Variants in PTGDR observed in about 807,000 individuals in gnomAD.
The protein encoded by PTGDR is PGD2 receptor.
In PTGDR, 19 loss-of-function variants were observed where a neutral mutation model predicts 17.4. That is an observed-to-expected ratio of 1.09 (90% CI 0.76 to 1.60). The LOEUF (loss-of-function observed/expected upper bound fraction) is 1.60. Ranked by LOEUF, PTGDR falls within the 40% of genes most tolerant of loss-of-function variation. The pLI, the probability that PTGDR is intolerant of heterozygous loss-of-function variation, is 0.00. For missense variants in PTGDR, 526 were observed against 481.9 expected, an observed-to-expected ratio of 1.09 and a Z score of -0.86; for synonymous variants, 267 against 224.2, an observed-to-expected ratio of 1.19 and a Z score of -1.71.
downstream of PTGDR, among the ~76,000 whole-genome samples, chr14:52,279,009 A>C (rs2033461133): frequency 6.6e-6 from 1 of 152,160 alleles, no homozygotes; most frequent in Non-Finnish European, 1.5e-5. Context: ...TATACATTGA[A>C]TCTTTCTTTC....
chr14:52,275,171 T>C lies in PTGDR; in HGVS notation c.*207T>C, dbSNP rs2033400878. On this transcript the variant is annotated 3_prime_UTR_variant, in exon 2 of 2. Transcript: ENST00000306051. Reference sequence around the variant, plus strand: ...CATGAACCCCTTCAGTGCATTTTCATTTTTTTATTAACAGCAACTAAAATT... The same window carrying C: ...CATGAACCCCTTCAGTGCATTTTCACTTTTTTATTAACAGCAACTAAAATT... The C allele has an allele frequency of 2.0e-6, 1 of 494,432 alleles. No homozygotes were observed. The highest frequency in any genetic ancestry group is 3.4e-5 in the East Asian group (1 of 29,298). 30.6% of individuals were successfully genotyped at this position (494,432 alleles called of 1,614,324 possible). A position where few individuals can be genotyped will look rare whatever the true frequency, so the allele number is the denominator to read the frequency against.
downstream of PTGDR, among the ~76,000 whole-genome samples, chr14:52,276,980 C>G (rs1410034616): frequency 2.0e-5 from 3 of 152,142 alleles, no homozygotes; most frequent in Non-Finnish European, 4.4e-5. Flanking sequence ...TTGTTTCATA[C>G]AAAATGTAGA....
At chr14:52,268,702 C>G in intron 1 of PTGDR, 42 bp downstream of exon 1, 1 of 1,517,158 alleles carries the variant, frequency 6.6e-7, no homozygotes, top group Admixed American at 2.1e-5. Flanking sequence ...CTGAGACTGT[C>G]CGGCCGCGGA....
At position 52,268,486 on chromosome 14, in the gene PTGDR, C is replaced by T. The variant is rs1326654578; in HGVS notation, c.672C>T (p.Asn224=). 2 of 1,610,744 alleles carry T rather than the reference C, an allele frequency of 1.2e-6. No individual in the cohort carries two copies. Residue 224 remains asparagine (N), a synonymous_variant, in exon 1 of 2, where the codon AAC becomes AAT. Coordinates refer to ENST00000306051, the MANE Select transcript of PTGDR (RefSeq NM_000953.3). The part of the protein sequence containing the change: ...TVLCNLGAMR[N]LYAMHRRLQR... ...TGTGCAACCTCGGCGCCATGCGCAA[C>T]CTCTATGCGATGCACCGGCGGCTGC...
Position 52,268,587 on chromosome 14 carries a change from TGGAGGA to T in PTGDR, c.775_780del (p.Glu259_Glu260del). 6.8e-6 allele frequency: 11 copies of T among 1,611,558 alleles called. No individual in the cohort carries two copies. The highest frequency in any genetic ancestry group is 8.5e-6 in the Non-Finnish European group (10 of 1,179,070). ...GGGAGGGAAGCGTCCCCTCAGCCCC[TGGAGGA>T]GCTGGATCACCTCCTGCTGCTGGCG... On this transcript the variant is annotated inframe_deletion, in exon 1 of 2. Transcript: ENST00000306051.
chr14:52,275,172 T>A lies in PTGDR; in HGVS notation c.*208T>A. 2.0e-6 allele frequency: 1 copy of A among 497,968 alleles called. No homozygotes were observed. Among genetic ancestry groups the A allele is most frequent in the Non-Finnish European group, 3.5e-6 (1 of 284,530 alleles). 30.8% of individuals were successfully genotyped at this position (497,968 alleles called of 1,614,324 possible). A position where few individuals can be genotyped will look rare whatever the true frequency, so the allele number is the denominator to read the frequency against. On this transcript the variant is annotated 3_prime_UTR_variant, in exon 2 of 2. Coordinates refer to ENST00000306051, the MANE Select transcript of PTGDR (RefSeq NM_000953.3). ...ATGAACCCCTTCAGTGCATTTTCAT[T>A]TTTTTATTAACAGCAACTAAAATTT...
chr14:52,268,095 G>C lies in PTGDR; in HGVS notation c.281G>C (p.Arg94Pro), dbSNP rs200280201. The change falls in exon 1 of 2, where the codon CGG becomes CCG. Residue 94 changes from arginine to proline, a missense_variant. By Grantham distance (103) the Arg-to-Pro change is moderately radical. Transcript: ENST00000306051. Reference protein sequence around the residue: ...LAAYAQNRSLRVLAPALDNSL... With the variant: ...LAAYAQNRSLPVLAPALDNSL... ...GCCTACGCTCAGAACCGGAGTCTGC[G>C]GGTGCTTGCGCCCGCATTGGACAAC... 1 of 1,613,750 alleles carries C rather than the reference G, an allele frequency of 6.2e-7. No individual in the cohort carries two copies. Among genetic ancestry groups the C allele is most frequent in the Admixed American group, 1.7e-5 (1 of 60,014 alleles).
In PTGDR at chr14:52,268,625, A is replaced by G. The variant is rs1428965064; in HGVS notation, c.811A>G (p.Thr271Ala). The change falls in exon 1 of 2, where the codon ACC becomes GCC. Residue 271 changes from threonine to alanine, a missense_variant. Coordinates refer to ENST00000306051, the MANE Select transcript of PTGDR (RefSeq NM_000953.3). ...LDHLLLLALM[T>A]VLFTMCSLPV... The stretch of plus-strand genomic sequence containing the variant: ...TCACCTCCTGCTGCTGGCGCTGATG[A>G]CCGTGCTCTTCACTATGTGTTCTCT... 1 of 1,601,922 alleles carries G rather than the reference A, an allele frequency of 6.2e-7. No homozygotes were observed. Among genetic ancestry groups the G allele is most frequent in the South Asian group, 1.1e-5 (1 of 88,890 alleles).
chr14:52,272,446 GAC>G (rs2033338747), intron 1 of PTGDR, among the ~76,000 whole-genome samples: 1 of 149,334 alleles, frequency 6.7e-6, no homozygotes, highest in Non-Finnish European at 1.5e-5. Context: ...CAGCCTGGGT[GAC>G]AGAGTGAGAC....
chr14:52,278,114 C>T (rs374209358), downstream of PTGDR, among the ~76,000 whole-genome samples: 95 of 152,244 alleles, frequency 6.2e-4, 1 homozygote, highest in South Asian at 3.5e-3. Context: ...ATCCCATTAC[C>T]GGGTATATAC....
chr14:52,268,660 T>G lies in PTGDR; in HGVS notation c.846T>G (p.Ile282Met), dbSNP rs1252633042. 1 of 1,561,218 alleles carries G rather than the reference T, an allele frequency of 6.4e-7. No individual in the cohort carries two copies. The highest frequency in any genetic ancestry group is 2.3e-5 in the East Asian group (1 of 44,272). The change falls in exon 1 of 2, where the codon ATT becomes ATG. Residue 282 changes from isoleucine (I) to methionine (M), a missense_variant and splice_region_variant. Ile to Met is a conservative substitution (Grantham distance 10). Transcript: ENST00000306051. ...VLFTMCSLPVIYRAYYGAFKD... is the reference protein window; with the variant it reads ...VLFTMCSLPVMYRAYYGAFKD... ...TCACTATGTGTTCTCTGCCCGTAAT[T>G]GTGAGTCCCCGGGCCCCGAGGCAGC... is the stretch of plus-strand genomic sequence containing the variant.
At chr14:52,269,522 C>T (rs755238876) in intron 1 of PTGDR, 12 of 1,534,818 alleles carry the variant, frequency 7.8e-6, no homozygotes, top group Admixed American at 2.0e-5. Flanking sequence ...TTCAGTGCTG[C>T]TCCTCTCCTT....
At position 52,274,995 on chromosome 14, in the gene PTGDR, A is replaced by C. The variant is rs1192468657; in HGVS notation, c.*31A>C. The C allele has an allele frequency of 2.8e-6, 4 of 1,413,020 alleles. No individual in the cohort carries two copies. In the African/African-American group the frequency reaches 5.7e-5, roughly 20 times the overall value. The allele number at this position is 1,413,020 out of a possible 1,614,324, so 87.5% of individuals were successfully genotyped here. On this transcript the variant is annotated 3_prime_UTR_variant, in exon 2 of 2. Transcript: ENST00000306051. ...TTTTTCACTCTGTGGTAAGCTGAGG[A>C]ATATGTCACATTTTCAGTCAAAGAA...
downstream of PTGDR, among the ~76,000 whole-genome samples, chr14:52,277,352 TCTGAAAA>T (rs2033442406): frequency 6.6e-6 from 1 of 152,182 alleles, no homozygotes; most frequent in Non-Finnish European, 1.5e-5. Flanking sequence ...GAATTTTGAC[TCTGAAAA>T]CTGAAAAGAA....
At chr14:52,272,520 G>A (rs2033340745) in intron 1 of PTGDR, among the ~76,000 whole-genome samples, 1 of 151,682 alleles carries the variant, frequency 6.6e-6, no homozygotes, top group Non-Finnish European at 1.5e-5. Flanking sequence ...TATCCAGAAA[G>A]AATTGGTGTG....
rs1478759065 is a variant in PTGDR at position 52,276,483 on chromosome 14, C to T, written c.*1519C>T. On this transcript the variant is annotated 3_prime_UTR_variant, in exon 2 of 2. Transcript: ENST00000306051. Reference sequence around the variant, plus strand: ...TATGTAATTTTTTGGTATAGCAAAACTGTGAAAAAGCCAAATTAGGCATAC... The same window carrying T: ...TATGTAATTTTTTGGTATAGCAAAATTGTGAAAAAGCCAAATTAGGCATAC... 1 of 152,080 alleles carries T rather than the reference C, an allele frequency of 6.6e-6. No homozygotes were observed. The highest frequency in any genetic ancestry group is 6.5e-5 in the Admixed American group (1 of 15,280). The allele number at this position is 152,080 out of a possible 1,614,324, so 9.4% of individuals were successfully genotyped here.
In PTGDR at chr14:52,268,660, T is replaced by C; in HGVS notation, c.846T>C (p.Ile282=). ...VLFTMCSLPV[I]YRAYYGAFKD... ...TCACTATGTGTTCTCTGCCCGTAATTGTGAGTCCCCGGGCCCCGAGGCAGC... is the reference window on the plus strand; with the variant it reads ...TCACTATGTGTTCTCTGCCCGTAATCGTGAGTCCCCGGGCCCCGAGGCAGC... The change falls in exon 1 of 2, where the codon ATT becomes ATC. Residue 282 remains isoleucine (I), a splice_region_variant and synonymous_variant. Transcript: ENST00000306051. 1.3e-6 allele frequency: 2 copies of C among 1,561,218 alleles called. No individual in the cohort carries two copies. The highest frequency in any genetic ancestry group is 1.7e-6 in the Non-Finnish European group (2 of 1,152,348).
chr14:52,274,121 T>G (rs1237725932), intron 1 of PTGDR, among the ~76,000 whole-genome samples: 1 of 152,198 alleles, frequency 6.6e-6, no homozygotes, highest in African/African-American at 2.4e-5. Flanking sequence ...CAATTTGTGC[T>G]AAAAATAAGT....
Position 52,267,979 on chromosome 14 carries a change from C to T in PTGDR, c.165C>T (p.Arg55=). ...GGTGGTGCTCGCGGCGTCCACTGCGCCCGCTGCCCTCGGTCTTCTACATGC... is the reference window on the plus strand; with the variant it reads ...GGTGGTGCTCGCGGCGTCCACTGCGTCCGCTGCCCTCGGTCTTCTACATGC... The part of the protein sequence containing the change: ...GLGWCSRRPL[R]PLPSVFYMLV... Residue 55 remains arginine (R), a synonymous_variant, in exon 1 of 2, where the codon CGC becomes CGT. Coordinates refer to ENST00000306051, the MANE Select transcript of PTGDR (RefSeq NM_000953.3). 1 of 1,609,610 alleles carries T rather than the reference C, an allele frequency of 6.2e-7. No individual in the cohort carries two copies. Among genetic ancestry groups the T allele is most frequent in the Non-Finnish European group, 8.5e-7 (1 of 1,179,854 alleles).
Sources: allele counts gnomAD v4.1 joint callset (sites outside exome capture counted in the v4.1 genomes callset), GRCh38; gene constraint gnomAD v4.1.1; transcripts MANE v1.5; gene names NCBI Gene and HGNC (gene_info 2026-07-23, HGNC 2026-07-21).